Variants in TRMT11 observed in about 807,000 individuals in gnomAD.
The protein encoded by TRMT11 is tRNA methyltransferase 11.
In TRMT11, 53 loss-of-function variants were observed where a neutral mutation model predicts 62.8. That is an observed-to-expected ratio of 0.84 (90% confidence interval 0.68 to 1.06). The LOEUF is 1.06. Among genes scored for constraint, TRMT11 ranks in the 50% least tolerant of loss-of-function variants. TRMT11 has a pLI of 0.00. For missense variants in TRMT11, 556 were observed against 553.4 expected, an observed-to-expected ratio of 1.00 and a Z score of -0.05; for synonymous variants, 188 against 190.3, an observed-to-expected ratio of 0.99 and a Z score of 0.10.
chr6:126,243,959 A>G, the TRMT11 span, among the ~76,000 whole-genome samples: 1 of 152,216 alleles, frequency 6.6e-6, no homozygotes, highest in Non-Finnish European at 1.5e-5. Context: ...GAAAAAAAGC[A>G]TAGGTAAATA....
At chr6:126,029,058 C>T (rs1300571699) in intron 12 of TRMT11, among the ~76,000 whole-genome samples, 1 of 152,038 alleles carries the variant, frequency 6.6e-6, no homozygotes, top group Non-Finnish European at 1.5e-5. Flanking sequence ...TCAACATAAT[C>T]CTTTAGAGCT....
chr6:126,033,064 A>G (rs951807096), intron 12 of TRMT11, among the ~76,000 whole-genome samples: 7 of 152,174 alleles, frequency 4.6e-5, no homozygotes, highest in African/African-American at 1.4e-4. Context: ...GAATTGACGT[A>G]TTGTGGAAAA....
the TRMT11 span, among the ~76,000 whole-genome samples, chr6:126,241,392 T>C: frequency 6.6e-6 from 1 of 152,212 alleles, no homozygotes; most frequent in South Asian, 2.1e-4. Flanking sequence ...CCATTCCTTC[T>C]GAAACTATTC....
At chr6:126,047,703 G>A (rs997811663) in intron 16 of TRMT11, among the ~76,000 whole-genome samples, 5 of 152,178 alleles carry the variant, frequency 3.3e-5, no homozygotes, top group East Asian at 1.9e-4. Context: ...AGATGCTACC[G>A]TGGGGCTGGA....
rs939595558 is a variant in TRMT11, at chr6:126,038,766, C to A, written c.1322C>A (p.Ser441Tyr). 5 of 1,606,086 alleles carry A rather than the reference C, an allele frequency of 3.1e-6. No individual in the cohort carries two copies. In the African/African-American group the frequency reaches 4.0e-5, roughly 13 times the overall value. The change falls in exon 13 of 13, where the codon TCC (serine) becomes TAC (tyrosine). Residue 441 changes from serine to tyrosine, a missense_variant. Transcript: ENST00000334379. ...DHFLPYQGHN[S>Y]FREKYFSGVT... ...TTTCTGCCATACCAAGGTCATAATT[C>A]CTTCCGTGAGAAATATTTTAGTGGG...
chr6:126,257,791 C>T, the TRMT11 span: 31 of 631,090 alleles, frequency 4.9e-5, no homozygotes, highest in South Asian at 4.7e-4. Flanking sequence ...AAATGGAAAA[C>T]GAAGGGGGCA....
chr6:126,098,172 A>G (rs781196450), intron 17 of TRMT11, among the ~76,000 whole-genome samples: 1 of 152,040 alleles, frequency 6.6e-6, no homozygotes, highest in Non-Finnish European at 1.5e-5. Context: ...TGAGGTACTT[A>G]CTGTGCTTGG....
At chr6:126,065,822 G>A (rs944824981) in intron 17 of TRMT11, among the ~76,000 whole-genome samples, 3 of 152,212 alleles carry the variant, frequency 2.0e-5, no homozygotes, top group African/African-American at 4.8e-5. Flanking sequence ...GAGATTGGGA[G>A]CGTTGAGGGT....
rs1396692697 is a variant in TRMT11 at position 126,118,957 on chromosome 6, A to G, written c.*1823+3102A>G. 2.0e-5 allele frequency among the ~76,000 whole-genome samples: 3 copies of G among 152,098 alleles called. 1 individual carries two copies. The highest frequency in any genetic ancestry group is 1.3e-4 in the Admixed American group (2 of 15,250). On this transcript the variant is annotated intron_variant and NMD_transcript_variant, in intron 21 of 22. Coordinates refer to the TRMT11 transcript ENST00000648977. ...TTAGGCTGCCAAATCTCTTTTATAA[A>G]CATTTCGTTAGCTAGGTAGGATTTT...
At chr6:126,170,775 G>A (rs1162155777) in intron 21 of TRMT11, among the ~76,000 whole-genome samples, 4 of 152,054 alleles carry the variant, frequency 2.6e-5, no homozygotes, top group African/African-American at 9.7e-5. Flanking sequence ...GTTTAACTTT[G>A]CTGAAAATAA....
chr6:126,262,229 C>T, the TRMT11 span, among the ~76,000 whole-genome samples: 5 of 152,104 alleles, frequency 3.3e-5, no homozygotes, highest in Admixed American at 6.5e-5. Context: ...GAAGCAGAGC[C>T]GCTGCAGAAC....
the TRMT11 span, among the ~76,000 whole-genome samples, chr6:126,261,603 G>A: frequency 1.3e-5 from 2 of 152,108 alleles, no homozygotes; most frequent in Admixed American, 6.6e-5. Context: ...ACTTCTTCCT[G>A]TAGACACTTT....
chr6:126,027,151 T>C (rs188623787), intron 12 of TRMT11, among the ~76,000 whole-genome samples: 123 of 152,312 alleles, frequency 8.1e-4, no homozygotes, highest in Non-Finnish European at 9.6e-4. Flanking sequence ...CAACGTGTAG[T>C]TGATGCTGCT....
chr6:126,173,322 T>A (rs569519609), upstream of TRMT11, among the ~76,000 whole-genome samples: 4 of 152,310 alleles, frequency 2.6e-5, no homozygotes, highest in Admixed American at 1.3e-4. Context: ...TTGAGTAACA[T>A]TCTCCCCGTT....
chr6:126,247,887 A>T, the TRMT11 span, among the ~76,000 whole-genome samples: 1 of 152,104 alleles, frequency 6.6e-6, no homozygotes, highest in Non-Finnish European at 1.5e-5. Flanking sequence ...ATGCATCTTC[A>T]GCTTGGAAAA....
At chr6:126,253,578 G>A in the TRMT11 span, among the ~76,000 whole-genome samples, 1 of 152,214 alleles carries the variant, frequency 6.6e-6, no homozygotes, top group Non-Finnish European at 1.5e-5. Context: ...TGTGAGTAAT[G>A]TGTTGTGTGA....
chr6:126,153,571 G>A (rs187368704), intron 21 of TRMT11, among the ~76,000 whole-genome samples: 42 of 152,270 alleles, frequency 2.8e-4, no homozygotes, highest in African/African-American at 8.9e-4. Flanking sequence ...GTCACTTTAA[G>A]CCATTCTTTA....
At chr6:126,131,232 A>T (rs1777778226) in intron 21 of TRMT11, among the ~76,000 whole-genome samples, 1 of 152,070 alleles carries the variant, frequency 6.6e-6, no homozygotes, top group Admixed American at 6.6e-5. Context: ...ATCCTGGACA[A>T]GAGAATTGGT....
chr6:126,258,606 A>C, the TRMT11 span, among the ~76,000 whole-genome samples: 1 of 152,222 alleles, frequency 6.6e-6, no homozygotes, highest in African/African-American at 2.4e-5. Flanking sequence ...ATTTAATCTG[A>C]GTATGTTGTA....
Sources: allele counts gnomAD v4.1 joint callset (sites outside exome capture counted in the v4.1 genomes callset), GRCh38; gene constraint gnomAD v4.1.1; transcripts MANE v1.5; gene names NCBI Gene and HGNC (gene_info 2026-07-23, HGNC 2026-07-21).